The following FUNDC2 variants were observed in gnomAD, a reference collection of about 807,000 sequenced individuals.
FUNDC2 encodes the protein FUN14 domain containing 2.
In FUNDC2, 4 loss-of-function variants were observed where a neutral mutation model predicts 15.6. The ratio of observed to expected loss-of-function variants is 0.26; its 90% CI spans 0.13 to 0.59. The LOEUF (loss-of-function observed/expected upper bound fraction) is 0.59, where lower values mean the gene tolerates loss of function less well. Ranked by LOEUF, FUNDC2 falls within the 20% of genes least tolerant of loss-of-function variation. FUNDC2 has a pLI of 0.90. For missense variants in FUNDC2, 98 were observed against 149.7 expected (o/e 0.65, Z 1.80); for synonymous variants, 44 against 56.9 (o/e 0.77, Z 1.02).
At chrX:155,036,753 AT>A (rs2073831763) in intron 2 of FUNDC2, among the ~76,000 whole-genome samples, 1 of 110,535 alleles carries the variant, frequency 9.0e-6, no homozygotes, top group Admixed American at 9.7e-5. Context: ...TCTCCACTGA[AT>A]TGTCTTTACA....
At chrX:155,045,577 G>A (rs34732226) in intron 2 of FUNDC2, among the ~76,000 whole-genome samples, 1,276 of 111,975 alleles carry the variant, frequency 0.011, 18 homozygotes, top group African/African-American at 0.039. Flanking sequence ...ACTAGCATTT[G>A]GTAAGGTCAA....
In FUNDC2 at chrX:155,026,901, G is replaced by A. The variant is rs2073793496; in HGVS notation, c.-38G>A. The A allele has an allele frequency of 8.6e-7, 1 of 1,166,110 alleles. No individual in the cohort carries two copies. The highest frequency in any genetic ancestry group is 1.1e-6 in the Non-Finnish European group (1 of 874,803). ...CTTGCGGAGACTGCAAGCAGCCGCG[G>A]CGCGCCCGGCCCTCCCTCTTCCGCT... On this transcript the variant is annotated 5_prime_UTR_variant, in exon 1 of 5. Coordinates refer to ENST00000369498, the MANE Select transcript of FUNDC2 (RefSeq NM_023934.4).
chrX:155,051,830 T>C (rs367828074), intron 4 of FUNDC2, 29 bp downstream of exon 4: 1 of 1,200,009 alleles, frequency 8.3e-7, no homozygotes, highest in Non-Finnish European at 1.1e-6. Context: ...ACGTGTAGTG[T>C]GTGAACAGTG....
rs2073906397 is a variant in FUNDC2, at chrX:155,057,038, ATCC to A, written c.*2368_*2370del. 1 of 96,025 alleles carries A rather than the reference ATCC, an allele frequency of 1.0e-5. No homozygotes were observed. Among genetic ancestry groups the A allele is most frequent in the Non-Finnish European group, 2.2e-5 (1 of 45,170 alleles). 7.9% of individuals were successfully genotyped at this position (96,025 alleles called of 1,213,427 possible). On this transcript the variant is annotated 3_prime_UTR_variant, in exon 5 of 5. Coordinates refer to ENST00000369498, the MANE Select transcript of FUNDC2 (RefSeq NM_023934.4). ...GAGGTCAGTATTGCAGGTTGGCCTC[ATCC>A]TGCTAGTATGAGAACGGCTGTGAGT...
At chrX:155,037,602 G>A (rs2073834952) in intron 2 of FUNDC2, among the ~76,000 whole-genome samples, 1 of 110,661 alleles carries the variant, frequency 9.0e-6, no homozygotes, top group Non-Finnish European at 1.9e-5. Context: ...TCTCGCCTCA[G>A]CCTCCCAAGT....
intron 1 of FUNDC2, chrX:155,033,137 G>A (rs782359663): frequency 6.5e-5 from 14 of 214,347 alleles, no homozygotes; most frequent in Admixed American, 5.1e-4. Context: ...GTGAGCCACC[G>A]CGCCCAGCCT....
chrX:155,057,415 A>C lies in FUNDC2; in HGVS notation c.*2743A>C, dbSNP rs1297061354. Reference sequence around the variant, plus strand: ...TTTTCTCCAGTAGCAGAGTCCAATGACGCTCTGGACTTCCTAATTAGTGGT... The same window carrying C: ...TTTTCTCCAGTAGCAGAGTCCAATGCCGCTCTGGACTTCCTAATTAGTGGT... On this transcript the variant is annotated 3_prime_UTR_variant, in exon 5 of 5. Coordinates refer to ENST00000369498, the MANE Select transcript of FUNDC2 (RefSeq NM_023934.4). 1.8e-5 allele frequency: 2 copies of C among 111,119 alleles called. No homozygotes were observed. The highest frequency in any genetic ancestry group is 3.3e-5 in the African/African-American group (1 of 30,639). 9.2% of individuals were successfully genotyped at this position (111,119 alleles called of 1,213,427 possible). A position where few individuals can be genotyped will look rare whatever the true frequency, so the allele number is the denominator to read the frequency against.
intron 3 of FUNDC2, chrX:155,047,535 A>G (rs1035562185): frequency 2.2e-5 from 7 of 312,107 alleles, no homozygotes; most frequent in African/African-American, 1.1e-4. Flanking sequence ...CCCAAACCTA[A>G]TGGCTTCAAA....
At chrX:155,032,912 T>C (rs1161014706) in intron 1 of FUNDC2, 1 of 113,114 alleles carries the variant, frequency 8.8e-6, no homozygotes, top group African/African-American at 3.2e-5. Context: ...AGCGGCACTA[T>C]CTCGGCTCAC....
rs1175079092 is a variant in FUNDC2 at position 155,042,175 on chromosome X, C to CTT, written c.285-4306_285-4305dup. Among the ~76,000 whole-genome samples, 88 of 39,208 alleles carry CTT rather than the reference C, an allele frequency of 2.2e-3. 13 individuals are homozygous for CTT. Among genetic ancestry groups the CTT allele is most frequent in the African/African-American group, 4.8e-3 (37 of 7,649 alleles). The allele number at this position is 39,208 out of a possible 115,157, so 34.0% of individuals were successfully genotyped here. On this transcript the variant is annotated intron_variant, in intron 2 of 4. Coordinates refer to ENST00000369498, the MANE Select transcript of FUNDC2 (RefSeq NM_023934.4). Reference sequence around the variant, plus strand: ...CCTTGCTATAGTTTTCTTTTTCTATCTTTTTTTTTTTTTTTTTTTTTTTTT... The same window carrying CTT: ...CCTTGCTATAGTTTTCTTTTTCTATCTTTTTTTTTTTTTTTTTTTTTTTTTTT...
chrX:155,038,084 G>A lies in FUNDC2; in HGVS notation c.284+4531G>A, dbSNP rs782642015. Among the ~76,000 whole-genome samples, 9 of 108,311 alleles carry A rather than the reference G, an allele frequency of 8.3e-5. No homozygotes were observed. The South Asian group carries it at 1.3e-3, about 15-fold the overall frequency. The allele number at this position is 108,311 out of a possible 115,157, so 94.1% of individuals were successfully genotyped here. A position where few individuals can be genotyped will look rare whatever the true frequency, so the allele number is the denominator to read the frequency against. On this transcript the variant is annotated intron_variant, in intron 2 of 4. Transcript: ENST00000369498. ...TCTACAAAAAATAGAAAAATTAGCC[G>A]GGCGTGGTGGTATGCGCCTGTAGTC...
intron 4 of FUNDC2, chrX:155,054,224 A>G (rs1339483394): frequency 1.3e-6 from 1 of 750,590 alleles, no homozygotes; most frequent in Admixed American, 8.9e-5. Flanking sequence ...TGGAAACAGA[A>G]TTGCCTCTGT....
chrX:155,057,429 CTAAT>C lies in FUNDC2; in HGVS notation c.*2760_*2763del, dbSNP rs1360468567. 2.7e-5 allele frequency: 3 copies of C among 111,371 alleles called. No individual in the cohort carries two copies. The highest frequency in any genetic ancestry group is 5.7e-5 in the Non-Finnish European group (3 of 52,545). The allele number at this position is 111,371 out of a possible 1,213,427, so 9.2% of individuals were successfully genotyped here. A position where few individuals can be genotyped will look rare whatever the true frequency, so the allele number is the denominator to read the frequency against. On this transcript the variant is annotated 3_prime_UTR_variant, in exon 5 of 5. Coordinates refer to ENST00000369498, the MANE Select transcript of FUNDC2 (RefSeq NM_023934.4). The stretch of plus-strand genomic sequence containing the variant: ...AGAGTCCAATGACGCTCTGGACTTC[CTAAT>C]TAGTGGTGGTGGGGCGGAAGTTTTT...
chrX:155,045,184 A>T (rs2073858519), intron 2 of FUNDC2, among the ~76,000 whole-genome samples: 1 of 111,738 alleles, frequency 8.9e-6, no homozygotes, highest in African/African-American at 3.3e-5. Context: ...AAAGAAATAA[A>T]ACTGGTTACC....
At chrX:155,037,059 T>G in intron 2 of FUNDC2, among the ~76,000 whole-genome samples, 1 of 111,803 alleles carries the variant, frequency 8.9e-6, no homozygotes, top group Admixed American at 9.5e-5. Flanking sequence ...CATTGGTGTA[T>G]CTCTCCAATT....
intron 2 of FUNDC2, among the ~76,000 whole-genome samples, chrX:155,037,051 T>C (rs1338258075): frequency 8.9e-6 from 1 of 111,858 alleles, no homozygotes; most frequent in African/African-American, 3.2e-5. Context: ...TCCATAAACA[T>C]TGGTGTATCT....
At position 155,059,135 on chromosome X, in the gene FUNDC2, A is replaced by G. The variant is rs1310864609; in HGVS notation, c.*4463A>G. 3.6e-5 allele frequency: 4 copies of G among 112,496 alleles called. No homozygotes were observed. Among genetic ancestry groups the G allele is most frequent in the Non-Finnish European group, 7.5e-5 (4 of 53,324 alleles). The allele number at this position is 112,496 out of a possible 1,213,427, so 9.3% of individuals were successfully genotyped here. On this transcript the variant is annotated 3_prime_UTR_variant, in exon 5 of 5. Transcript: ENST00000369498. ...GAGACTGAGAACCACTGAAGTACAC[A>G]GTTGGAAGCTGGTGCTGAAAAAATT...
chrX:155,054,968 T>C lies in FUNDC2; in HGVS notation c.*296T>C. Reference sequence around the variant, plus strand: ...ATGCAAGACACTTATGAGAACACATTACAAGATGGCTGACCGTGGAGGATG... The same window carrying C: ...ATGCAAGACACTTATGAGAACACATCACAAGATGGCTGACCGTGGAGGATG... On this transcript the variant is annotated 3_prime_UTR_variant, in exon 5 of 5. Transcript: ENST00000369498. 2.9e-6 allele frequency: 1 copy of C among 343,017 alleles called. No homozygotes were observed. The allele number at this position is 343,017 out of a possible 1,213,427, so 28.3% of individuals were successfully genotyped here. A position where few individuals can be genotyped will look rare whatever the true frequency, so the allele number is the denominator to read the frequency against.
In FUNDC2 at chrX:155,056,232, T is replaced by C. The variant is rs782287443; in HGVS notation, c.*1560T>C. On this transcript the variant is annotated 3_prime_UTR_variant, in exon 5 of 5. Coordinates refer to ENST00000369498, the MANE Select transcript of FUNDC2 (RefSeq NM_023934.4). ...TGTATCTATCACTCACTCACAACAA[T>C]CATCAAATTATAGCTCTGCTGGTTT... The C allele has an allele frequency of 4.2e-4, 47 of 112,011 alleles. No homozygotes were observed. Among genetic ancestry groups the C allele is most frequent in the African/African-American group, 1.4e-3 (43 of 30,816 alleles). The allele number at this position is 112,011 out of a possible 1,213,427, so 9.2% of individuals were successfully genotyped here.
Sources: gnomAD v4.1 joint callset for allele counts (sites outside exome capture counted in the v4.1 genomes callset) on GRCh38, gnomAD v4.1.1 for gene constraint, MANE v1.5 for transcripts, NCBI Gene and HGNC (gene_info 2026-07-23, HGNC 2026-07-21) for gene names.